ABAT: variants seen among roughly 807,000 people sequenced by gnomAD.
The protein encoded by ABAT is 4-aminobutyrate aminotransferase, mitochondrial.
A neutral mutation model predicts 64.6 loss-of-function variants in ABAT; 45 were observed. The ratio of observed to expected loss-of-function variants is 0.70; its 90% CI spans 0.55 to 0.89. The LOEUF is 0.89. Ranked by LOEUF, ABAT falls within the 40% of genes least tolerant of loss-of-function variation. The pLI, the probability that ABAT is intolerant of heterozygous loss-of-function variation, is 0.00. For missense variants in ABAT, 633 were observed against 658.4 expected, an observed-to-expected ratio of 0.96 and a Z score of 0.42; for synonymous variants, 297 against 250.5, an observed-to-expected ratio of 1.19 and a Z score of -1.75.
intron 1 of ABAT, among the ~76,000 whole-genome samples, chr16:8,729,783 C>T (rs1273866104): frequency 6.7e-6 from 1 of 150,194 alleles, no homozygotes; most frequent in African/African-American, 2.5e-5. Flanking sequence ...GCAATGATCA[C>T]GCCACTGCTC....
chr16:8,765,714 A>G (rs1596465386), intron 8 of ABAT: 2 of 152,562 alleles, frequency 1.3e-5, no homozygotes, highest in African/African-American at 4.9e-5. Context: ...AACAAAAAAA[A>G]CCCTTCCAGG....
intron 6 of ABAT, chr16:8,760,210 A>C (rs192487315): frequency 1.3e-4 from 20 of 152,062 alleles, no homozygotes; most frequent in African/African-American, 4.8e-4. Context: ...GATCGCACCA[A>C]CTCCACTCCC....
intron 2 of ABAT, among the ~76,000 whole-genome samples, chr16:8,738,628 G>GTT (rs879122746): frequency 1.6e-5 from 2 of 125,528 alleles, no homozygotes; most frequent in East Asian, 2.3e-4. Flanking sequence ...TTTTGTTTTT[G>GTT]TTTTTTTTTT....
In ABAT at chr16:8,738,474, T is replaced by A. The variant is rs148441810; in HGVS notation, c.70+2665T>A. 2,426 of 455,920 alleles carry A rather than the reference T, an allele frequency of 5.3e-3. 9 individuals carry two copies. The highest frequency in any genetic ancestry group is 0.013 in the Middle Eastern group (39 of 3,070). The allele number at this position is 455,920 out of a possible 1,614,324, so 28.2% of individuals were successfully genotyped here. A position where few individuals can be genotyped will look rare whatever the true frequency, so the allele number is the denominator to read the frequency against. ...ATCCAGGTACACACATTGCATTGAT[T>A]TGTCTCATCTTCCATGGCCTCCTCT... On this transcript the variant is annotated intron_variant, in intron 2 of 15. Coordinates refer to ENST00000268251, the MANE Select transcript of ABAT (RefSeq NM_020686.6).
intron 2 of ABAT, among the ~76,000 whole-genome samples, chr16:8,744,604 G>A (rs2059276881): frequency 6.6e-6 from 1 of 152,088 alleles, no homozygotes; most frequent in Admixed American, 6.6e-5. Flanking sequence ...CTGACCTCAG[G>A]TGATCCACCT....
chr16:8,725,668 C>A (rs1380955892), intron 1 of ABAT, among the ~76,000 whole-genome samples: 1 of 152,168 alleles, frequency 6.6e-6, no homozygotes, highest in Non-Finnish European at 1.5e-5. Context: ...GTGAATAGTG[C>A]TGCTATGTGT....
chr16:8,769,069 T>C, intron 11 of ABAT, 96 bp downstream of exon 11: 2 of 1,551,848 alleles, frequency 1.3e-6, no homozygotes, highest in South Asian at 2.3e-5. Context: ...GAAGGGTTTA[T>C]CTGGGGATCT....
Position 8,768,942 on chromosome 16 carries a change from A to G in ABAT, c.785A>G (p.Asn262Ser). 6.2e-7 allele frequency: 1 copy of G among 1,614,164 alleles called. No homozygotes were observed. Among genetic ancestry groups the G allele is most frequent in the Non-Finnish European group, 8.5e-7 (1 of 1,180,026 alleles). Residue 262 changes from asparagine to serine, a missense_variant, in exon 11 of 16, where the codon AAC becomes AGC. Coordinates refer to ENST00000268251, the MANE Select transcript of ABAT (RefSeq NM_020686.6). ...CCTCTGGAAGAGTTTGTGAAAGAGA[A>G]CCAACAGGAGGAGGCCCGCTGTCTG... ...KYPLEEFVKE[N>S]QQEEARCLEE...
Position 8,768,227 on chromosome 16 carries a change from T to G in ABAT, c.638T>G (p.Phe213Cys), listed in dbSNP as rs1567312671. 1 of 1,613,942 alleles carries G rather than the reference T, an allele frequency of 6.2e-7. No individual in the cohort carries two copies. Among genetic ancestry groups the G allele is most frequent in the Non-Finnish European group, 8.5e-7 (1 of 1,180,026 alleles). Residue 213 changes from phenylalanine to cysteine, a missense_variant, in exon 10 of 16, where the codon TTC (phenylalanine) becomes TGC (cysteine). By Grantham distance (205) the Phe-to-Cys change is radical (BLOSUM62 -2). Transcript: ENST00000268251. ...PGCPDYSILS[F>C]MGAFHGRTMG... Reference sequence around the variant, plus strand: ...TGCCCCGACTACAGCATCCTCTCCTTCATGGGCGCGTTCCATGGGAGGACC... The same window carrying G: ...TGCCCCGACTACAGCATCCTCTCCTGCATGGGCGCGTTCCATGGGAGGACC...
chr16:8,703,388 G>A (rs530146572), intron 1 of ABAT, among the ~76,000 whole-genome samples: 48 of 152,044 alleles, frequency 3.2e-4, no homozygotes, highest in Admixed American at 2.0e-4. Flanking sequence ...CCCGGAAGGC[G>A]GAGGTTGCAG....
Position 8,781,501 on chromosome 16 carries a change from C to G in ABAT, c.*71C>G. Reference sequence around the variant, plus strand: ...GTCAAATTGATTAGTTTGCCTAATTCATGTTTTCACTTAAAAGTATCAGAG... The same window carrying G: ...GTCAAATTGATTAGTTTGCCTAATTGATGTTTTCACTTAAAAGTATCAGAG... On this transcript the variant is annotated 3_prime_UTR_variant, in exon 16 of 16. Transcript: ENST00000268251. The surrounding 1 kb of genome is among the most constrained non-coding windows in gnomAD (Gnocchi z 4.5). 2 of 1,539,768 alleles carry G rather than the reference C, an allele frequency of 1.3e-6. No homozygotes were observed. Among genetic ancestry groups the G allele is most frequent in the Non-Finnish European group, 1.8e-6 (2 of 1,130,614 alleles).
Position 8,781,266 on chromosome 16 carries a change from C to T in ABAT, c.1382-43C>T. 2 of 1,613,502 alleles carry T rather than the reference C, an allele frequency of 1.2e-6. No homozygotes were observed. Among genetic ancestry groups the T allele is most frequent in the Non-Finnish European group, 1.7e-6 (2 of 1,179,866 alleles). The stretch of plus-strand genomic sequence containing the variant: ...TCCCCCCAGCTCTCCCAGCATGTGA[C>T]TTTGAGAAACCACGCTCCTCACCTA... On this transcript the variant is annotated intron_variant, in intron 15 of 15. Transcript: ENST00000268251. The surrounding 1 kb of genome is among the most constrained non-coding windows in gnomAD (Gnocchi z 4.5).
intron 1 of ABAT, among the ~76,000 whole-genome samples, chr16:8,699,586 G>A (rs1469508362): frequency 6.6e-6 from 1 of 151,950 alleles, no homozygotes; most frequent in Non-Finnish European, 1.5e-5. Flanking sequence ...AAATAAAACA[G>A]GACCTCACTC....
At chr16:8,757,163 C>G in intron 5 of ABAT, 1 of 452,624 alleles carries the variant, frequency 2.2e-6, no homozygotes. Context: ...TTGCATTTAT[C>G]TCCCTTTTTA....
intron 6 of ABAT, among the ~76,000 whole-genome samples, chr16:8,759,961 G>A (rs1479096325): frequency 6.6e-6 from 1 of 152,088 alleles, no homozygotes; most frequent in Non-Finnish European, 1.5e-5. Flanking sequence ...GTGTGTAATC[G>A]CAGACTGTGT....
At position 8,781,534 on chromosome 16, in the gene ABAT, C is replaced by T; in HGVS notation, c.*104C>T. On this transcript the variant is annotated 3_prime_UTR_variant, in exon 16 of 16. Coordinates refer to ENST00000268251, the MANE Select transcript of ABAT (RefSeq NM_020686.6). This position sits in a 1 kb window ranked among gnomAD's most constrained non-coding sequence, Gnocchi z 4.5. ...CACTTAAAAGTATCAGAGGTGAATG[C>T]ACAGTGAAGGGTGATTTGTGGGGAG... 6.7e-7 allele frequency: 1 copy of T among 1,483,982 alleles called. No individual in the cohort carries two copies. The highest frequency in any genetic ancestry group is 9.2e-7 in the Non-Finnish European group (1 of 1,083,674). 91.9% of individuals were successfully genotyped at this position (1,483,982 alleles called of 1,614,324 possible).
At chr16:8,743,444 T>TATATATATATATATATAC (rs368568293) in intron 2 of ABAT, among the ~76,000 whole-genome samples, 2,873 of 117,450 alleles carry the variant, frequency 0.024, 131 homozygotes, top group Middle Eastern at 0.06. Context: ...TATATATATA[T>TATATATATATATATATAC]ACACACATTT....
chr16:8,757,020 T>C (rs1287623443), intron 5 of ABAT, among the ~76,000 whole-genome samples: 1 of 152,094 alleles, frequency 6.6e-6, no homozygotes, highest in African/African-American at 2.4e-5. Context: ...ACTCGCTCAG[T>C]CTCTGAGCAA....
intron 1 of ABAT, among the ~76,000 whole-genome samples, chr16:8,726,963 G>A (rs1731077): frequency 0.97 from 148,168 of 152,322 alleles, 72,106 homozygotes; most frequent in East Asian, 1. Context: ...ACCTTTTCAT[G>A]TGCTTGCTTG....
Sources: allele counts gnomAD v4.1 joint callset (sites outside exome capture counted in the v4.1 genomes callset), GRCh38; gene constraint gnomAD v4.1.1; non-coding constraint Gnocchi (gnomAD v3.1); transcripts MANE v1.5; gene names NCBI Gene and HGNC (gene_info 2026-07-23, HGNC 2026-07-21).